STS: variants seen among roughly 807,000 people sequenced by gnomAD.
STS encodes steryl-sulfatase.
In STS, 7 loss-of-function variants were observed where a neutral mutation model predicts 26.8. That is an observed-to-expected ratio of 0.26 (90% CI 0.15 to 0.49). The LOEUF is 0.49. STS is among the 20% of genes least tolerant of loss of function. STS has a pLI of 0.98. For synonymous variants in STS, 199 were observed against 189.4 expected (o/e 1.05, Z -0.42); for missense variants, 434 against 465.6 (o/e 0.93, Z 0.63).
intron 1 of STS, among the ~76,000 whole-genome samples, chrX:7,171,188 T>C (rs941100084): frequency 1.8e-5 from 2 of 111,910 alleles, no homozygotes; most frequent in East Asian, 5.6e-4. Flanking sequence ...TTCGGCCTCC[T>C]GGGGCTGGCT....
intron 6 of STS, among the ~76,000 whole-genome samples, chrX:7,263,602 G>A (rs1254528618): frequency 8.9e-6 from 1 of 112,158 alleles, no homozygotes; most frequent in African/African-American, 3.2e-5. Context: ...TGATGAAATT[G>A]CTTAATGATA....
Position 7,196,174 on chromosome X carries a change from A to G in STS, c.-5+5166A>G, listed in dbSNP as rs192802259. ...AAGGAATATTGAGTAAATCTCAAAG[A>G]AGTGAAAGAGAGAAAGGTGTGGGAA... is the stretch of plus-strand genomic sequence containing the variant. On this transcript the variant is annotated intron_variant, in intron 2 of 10. Transcript: ENST00000674429. Among the ~76,000 whole-genome samples the G allele has an allele frequency of 7.1e-5, 8 of 112,272 alleles. No homozygotes were observed. The East Asian group carries it at 2.0e-3, about 28-fold the overall frequency.
At chrX:7,185,313 C>T (rs1240466364) in intron 1 of STS, among the ~76,000 whole-genome samples, 1 of 112,670 alleles carries the variant, frequency 8.9e-6, no homozygotes, top group Non-Finnish European at 1.9e-5. Context: ...TATAGGACTG[C>T]ATAGTAAATA....
At chrX:7,201,789 G>A (rs1208513478) in intron 2 of STS, among the ~76,000 whole-genome samples, 1 of 111,030 alleles carries the variant, frequency 9.0e-6, no homozygotes, top group Non-Finnish European at 1.9e-5. Context: ...TTGGGCTTCA[G>A]GGATACAAGA....
At chrX:7,255,878 T>G (rs1222083780) in intron 3 of STS, among the ~76,000 whole-genome samples, 4 of 112,382 alleles carry the variant, frequency 3.6e-5, no homozygotes, top group Non-Finnish European at 7.5e-5. Flanking sequence ...TATGCATCAT[T>G]GCAGCACTAC....
chrX:7,219,742 T>C, intron 2 of STS: 3 of 1,168,224 alleles, frequency 2.6e-6, no homozygotes, highest in Non-Finnish European at 3.5e-6. Context: ...AACATACTAG[T>C]TGGGATGTTC....
chrX:7,158,252 G>C (rs372498437), intron 1 of STS, among the ~76,000 whole-genome samples: 1 of 111,308 alleles, frequency 9.0e-6, no homozygotes, highest in African/African-American at 3.3e-5. Context: ...TTCTGATCTC[G>C]AGGACTAGGG....
intron 8 of STS, 56 bp from the exon 9 acceptor site, chrX:7,325,283 G>A (rs780462202): frequency 1.7e-6 from 2 of 1,154,754 alleles, no homozygotes; most frequent in African/African-American, 1.8e-5. Flanking sequence ...ATTGAAGTGA[G>A]CATTGAAAGG....
At chrX:7,222,717 C>T (rs1921629421) in intron 2 of STS, among the ~76,000 whole-genome samples, 1 of 110,915 alleles carries the variant, frequency 9.0e-6, no homozygotes, top group Non-Finnish European at 1.9e-5. Context: ...TAAGAGATAG[C>T]ATTCATTATC....
intron 8 of STS, among the ~76,000 whole-genome samples, chrX:7,320,026 A>ATATATATATTTATATAT (rs1488059306): frequency 3.2e-5 from 3 of 92,931 alleles, no homozygotes; most frequent in Non-Finnish European, 4.1e-5. Context: ...ATATATATTT[A>ATATATATATTTATATAT]TATATATATT....
intron 8 of STS, among the ~76,000 whole-genome samples, chrX:7,307,334 A>T (rs1189988584): frequency 9.0e-6 from 1 of 111,570 alleles, no homozygotes; most frequent in Non-Finnish European, 1.9e-5. Context: ...TTCCTAATAT[A>T]TGAAGACTTG....
chrX:7,214,923 G>A (rs1446347141), intron 2 of STS, among the ~76,000 whole-genome samples: 2 of 94,486 alleles, frequency 2.1e-5, no homozygotes, highest in Non-Finnish European at 4.1e-5. Flanking sequence ...ATATATATGT[G>A]TGTGTGTGTA....
intron 10 of STS, among the ~76,000 whole-genome samples, chrX:7,335,822 C>T (rs1228630115): frequency 5.4e-5 from 6 of 111,787 alleles, no homozygotes; most frequent in African/African-American, 1.6e-4. Flanking sequence ...CAGCTTTCTC[C>T]ATATGGCTAG....
At chrX:7,333,509 C>T (rs1375071320) in intron 9 of STS, among the ~76,000 whole-genome samples, 1 of 112,033 alleles carries the variant, frequency 8.9e-6, no homozygotes, top group Non-Finnish European at 1.9e-5. Context: ...ATCCAAGTTG[C>T]CTCATGCAAT....
chrX:7,287,548 ACTAT>A (rs1214619246), intron 7 of STS, among the ~76,000 whole-genome samples: 7 of 111,172 alleles, frequency 6.3e-5, no homozygotes, highest in Admixed American at 9.6e-5. Context: ...TTTTCGCTCA[ACTAT>A]CTATTTGGTC....
At chrX:7,198,239 GTGAGGAA>G (rs1934006669) in intron 2 of STS, among the ~76,000 whole-genome samples, 1 of 111,213 alleles carries the variant, frequency 9.0e-6, no homozygotes, top group Non-Finnish European at 1.9e-5. Context: ...GGGTTAGGAA[GTGAGGAA>G]TGCTGATTGG....
At chrX:7,247,440 A>G (rs761868771) in intron 2 of STS, among the ~76,000 whole-genome samples, 55 of 111,896 alleles carry the variant, frequency 4.9e-4, no homozygotes, top group Non-Finnish European at 9.8e-4. Flanking sequence ...GTCTTCTTTA[A>G]AAAATATCAT....
At chrX:7,291,106 A>C (rs1376109640) in intron 7 of STS, among the ~76,000 whole-genome samples, 1 of 111,514 alleles carries the variant, frequency 9.0e-6, no homozygotes, top group Non-Finnish European at 1.9e-5. Context: ...GAGTAAATGA[A>C]ATATTTCCAT....
At chrX:7,269,210 G>A (rs779804699) in intron 6 of STS, among the ~76,000 whole-genome samples, 1 of 94,251 alleles carries the variant, frequency 1.1e-5, no homozygotes, top group South Asian at 5.8e-4. Flanking sequence ...TTCGGGCTGA[G>A]CATATTGTAA....
Sources: gnomAD v4.1 joint callset for allele counts (sites outside exome capture counted in the v4.1 genomes callset) on GRCh38, gnomAD v4.1.1 for gene constraint, MANE v1.5 for transcripts, NCBI Gene and HGNC (gene_info 2026-07-23, HGNC 2026-07-21) for gene names.